The following FNDC1 variants were observed in gnomAD, a reference collection of about 807,000 sequenced individuals.
FNDC1 encodes fibronectin type III domain containing 1.
A neutral mutation model predicts 168.0 loss-of-function variants in FNDC1; 96 were observed. The ratio of observed to expected loss-of-function variants is 0.57; its 90% confidence interval spans 0.48 to 0.68. The LOEUF (loss-of-function observed/expected upper bound fraction) is 0.68. Ranked by LOEUF, FNDC1 falls within the 30% of genes least tolerant of loss-of-function variation. The pLI is 0.00. For synonymous variants in FNDC1, 1,099 were observed against 1,025.9 expected (o/e 1.07, Z -1.36); for missense variants, 2,587 against 2,482.1 (o/e 1.04, Z -0.90).
rs188359223 is a variant in FNDC1, at chr6:159,270,636, G to A, written c.5570-691G>A. Among the ~76,000 whole-genome samples the A allele has an allele frequency of 3.4e-3, 522 of 152,284 alleles. 3 individuals carry two copies. Among genetic ancestry groups the A allele is most frequent in the African/African-American group, 0.012 (507 of 41,554 alleles). On this transcript the variant is annotated intron_variant, in intron 22 of 22. Coordinates refer to ENST00000297267, the MANE Select transcript of FNDC1 (RefSeq NM_032532.3). ...TGTGAGAGCAGTTATTGAGTTTCCA[G>A]AAAAATTTTTAGAAGGTTGGAGCAT...
rs1017578880 is a variant in FNDC1, at chr6:159,178,689, T to C, written c.109+8984T>C. 3.9e-5 allele frequency among the ~76,000 whole-genome samples: 6 copies of C among 152,116 alleles called. No individual in the cohort carries two copies. In the South Asian group the frequency reaches 1.2e-3, roughly 31 times the overall value. Reference sequence around the variant, plus strand: ...TTTGAGATTGTCCAAAGACTATTTTTAAAAGTGTTTTGCCCATTCTGCTTG... The same window carrying C: ...TTTGAGATTGTCCAAAGACTATTTTCAAAAGTGTTTTGCCCATTCTGCTTG... On this transcript the variant is annotated intron_variant, in intron 1 of 22. Transcript: ENST00000297267.
intron 1 of FNDC1, 99 bp from the exon 2 acceptor site, chr6:159,197,332 C>A (rs955347460): frequency 3.5e-6 from 4 of 1,137,008 alleles, no homozygotes; most frequent in Admixed American, 4.5e-5. Context: ...ACTGATTAAA[C>A]GTCATTTACT....
chr6:159,234,588 C>T (rs1783205522), intron 11 of FNDC1, 109 bp downstream of exon 11: 1 of 1,008,196 alleles, frequency 9.9e-7, no homozygotes, highest in Non-Finnish European at 1.5e-6. Flanking sequence ...GTCCACGCAC[C>T]GTGTTAAGAG....
intron 1 of FNDC1, among the ~76,000 whole-genome samples, chr6:159,177,126 C>T (rs1214163923): frequency 6.6e-6 from 1 of 152,074 alleles, no homozygotes; most frequent in African/African-American, 2.4e-5. Context: ...GTGCCAAATT[C>T]AGTGTGGTTC....
chr6:159,232,898 G>C lies in FNDC1; in HGVS notation c.2386G>C (p.Asp796His). 1 of 1,612,862 alleles carries C rather than the reference G, an allele frequency of 6.2e-7. No homozygotes were observed. Among genetic ancestry groups the C allele is most frequent in the Non-Finnish European group, 8.5e-7 (1 of 1,179,792 alleles). ...GESHGDGDRE[D>H]GGRQAEATAQ... Reference sequence around the variant, plus strand: ...AAGCCACGGTGACGGCGATAGGGAAGACGGCGGAAGGCAGGCGGAGGCCAC... The same window carrying C: ...AAGCCACGGTGACGGCGATAGGGAACACGGCGGAAGGCAGGCGGAGGCCAC... Residue 796 changes from aspartate (D) to histidine (H), a missense_variant, in exon 11 of 23, where the codon GAC (aspartate) becomes CAC (histidine). Asp to His is a moderately conservative substitution (Grantham distance 81, BLOSUM62 -1). Transcript: ENST00000297267. This position sits in a 1 kb window ranked among gnomAD's most constrained non-coding sequence, Gnocchi z 4.9.
At chr6:159,269,599 CTAT>C (rs1402301849) in intron 22 of FNDC1, among the ~76,000 whole-genome samples, 26 of 8,654 alleles carry the variant, frequency 3.0e-3, no homozygotes, top group Non-Finnish European at 8.9e-3. Flanking sequence ...GTCTGTCTGT[CTAT>C]CTATCTATCT....
In FNDC1 at chr6:159,226,515, A is replaced by G; in HGVS notation, c.1115A>G (p.Asn372Ser). ...APENLNVWPVNGKPTVVAASW... is the reference protein window; with the variant it reads ...APENLNVWPVSGKPTVVAASW... ...GAAAACTTGAACGTCTGGCCAGTCA[A>G]TGGCAAACCTACAGTTGTCGCTGCA... Residue 372 changes from asparagine (N) to serine (S), a missense_variant, in exon 9 of 23, where the codon AAT (asparagine) becomes AGT (serine). Transcript: ENST00000297267. 1.2e-6 allele frequency: 2 copies of G among 1,612,682 alleles called. No homozygotes were observed. Among genetic ancestry groups the G allele is most frequent in the Non-Finnish European group, 1.7e-6 (2 of 1,179,412 alleles).
In FNDC1 at chr6:159,266,535, A is replaced by G. The variant is rs559557053; in HGVS notation, c.5446+290A>G. Among the ~76,000 whole-genome samples, 18 of 152,334 alleles carry G rather than the reference A, an allele frequency of 1.2e-4. No homozygotes were observed. In the South Asian group the frequency reaches 3.5e-3, roughly 30 times the overall value. ...CGAGGTGGGTGGATTACTTGAGATC[A>G]GGAATTCAAGACCAGCTTGGCCAAC... On this transcript the variant is annotated intron_variant, in intron 21 of 22. Coordinates refer to ENST00000297267, the MANE Select transcript of FNDC1 (RefSeq NM_032532.3).
intron 1 of FNDC1, among the ~76,000 whole-genome samples, chr6:159,170,272 G>T (rs1343597468): frequency 2.6e-5 from 4 of 152,200 alleles, no homozygotes; most frequent in African/African-American, 4.8e-5. Flanking sequence ...GGAGGCCCGC[G>T]CGCCCGGGGG....
At chr6:159,179,520 T>C (rs1472567115) in intron 1 of FNDC1, among the ~76,000 whole-genome samples, 1 of 152,174 alleles carries the variant, frequency 6.6e-6, no homozygotes, top group Non-Finnish European at 1.5e-5. Flanking sequence ...AGGTTCTTTG[T>C]GCAACATCTT....
At position 159,233,893 on chromosome 6, in the gene FNDC1, C is replaced by A. The variant is rs1783175299; in HGVS notation, c.3381C>A (p.Ser1127=). The A allele has an allele frequency of 3.9e-6, 6 of 1,547,282 alleles. No homozygotes were observed. Among genetic ancestry groups the A allele is most frequent in the Non-Finnish European group, 4.4e-6 (5 of 1,145,354 alleles). The stretch of plus-strand genomic sequence containing the variant: ...CAGGGGCAGGTGGCGACCACAGGTC[C>A]CAGCGCGGACATGCGGCCTCCCCCG... ...TGAGAGGDHR[S]QRGHAASPAR... The change falls in exon 11 of 23, where the codon TCC becomes TCA. Residue 1127 remains serine, a synonymous_variant. Transcript: ENST00000297267. The surrounding 1 kb of genome is among the most constrained non-coding windows in gnomAD (Gnocchi z 4.6).
chr6:159,238,336 C>T (rs1463127999), intron 12 of FNDC1, among the ~76,000 whole-genome samples: 1 of 152,130 alleles, frequency 6.6e-6, no homozygotes, highest in African/African-American at 2.4e-5. Context: ...CTGCCCGCTT[C>T]GGCCTCCCAA....
chr6:159,268,549 ATCTC>A (rs372955155), intron 22 of FNDC1, among the ~76,000 whole-genome samples: 6 of 152,228 alleles, frequency 3.9e-5, no homozygotes, highest in East Asian at 1.9e-4. Context: ...AATCAATAGG[ATCTC>A]TCTCTCTATC....
chr6:159,183,698 A>C (rs1245118245), intron 1 of FNDC1, among the ~76,000 whole-genome samples: 1 of 152,182 alleles, frequency 6.6e-6, no homozygotes, highest in Non-Finnish European at 1.5e-5. Flanking sequence ...AATGATGTGG[A>C]AGAGAAACCA....
At chr6:159,253,145 A>G in intron 17 of FNDC1, among the ~76,000 whole-genome samples, 1 of 152,170 alleles carries the variant, frequency 6.6e-6, no homozygotes, top group East Asian at 1.9e-4. Flanking sequence ...TCAGAGCCCT[A>G]ATCATGAGTA....
intron 22 of FNDC1, among the ~76,000 whole-genome samples, chr6:159,268,828 C>T (rs973086880): frequency 8.7e-5 from 1 of 11,474 alleles, no homozygotes; most frequent in Non-Finnish European, 5.8e-4. Context: ...ATTCATCTAT[C>T]TATCTATCTA....
At chr6:159,230,821 A>T (rs1164274196) in intron 10 of FNDC1, among the ~76,000 whole-genome samples, 1 of 152,178 alleles carries the variant, frequency 6.6e-6, no homozygotes, top group Non-Finnish European at 1.5e-5. Context: ...TGTGAAATGG[A>T]TGACATTTGC....
At chr6:159,269,058 GTCTATCTATCTATCTATCTATCTA>G (rs201260395) in intron 22 of FNDC1, among the ~76,000 whole-genome samples, 70,685 of 136,966 alleles carry the variant, frequency 0.52, 13,107 homozygotes, top group Middle Eastern at 0.64. Flanking sequence ...CTATCTATCT[GTCTATCTATCTATCTATCTATCTA>G]TCTATCTATC....
intron 14 of FNDC1, among the ~76,000 whole-genome samples, chr6:159,242,296 C>T (rs1363741794): frequency 2.0e-5 from 3 of 152,114 alleles, no homozygotes; most frequent in Non-Finnish European, 4.4e-5. Flanking sequence ...AACACATGGA[C>T]ACAGGGAGGT....
Sources: gnomAD v4.1 joint callset for allele counts (sites outside exome capture counted in the v4.1 genomes callset) on GRCh38, gnomAD v4.1.1 for gene constraint, Gnocchi (gnomAD v3.1) non-coding constraint, MANE v1.5 for transcripts, NCBI Gene and HGNC (gene_info 2026-07-23, HGNC 2026-07-21) for gene names.